Variants in LDB2 observed in about 807,000 individuals in gnomAD.
The protein encoded by LDB2 is LIM domain binding 2, also known as LIM domain-binding protein 2.
A neutral mutation model predicts 44.3 loss-of-function variants in LDB2; 12 were observed. The ratio of observed to expected loss-of-function variants is 0.27; its 90% CI spans 0.17 to 0.44. The LOEUF is 0.44. Among genes scored for constraint, LDB2 ranks in the 20% least tolerant of loss-of-function variants. The pLI, the probability that LDB2 is intolerant of heterozygous loss-of-function variation, is 1.00. For missense variants in LDB2, 344 were observed against 473.5 expected (o/e 0.73, Z 2.54); for synonymous variants, 164 against 174.8 (o/e 0.94, Z 0.49).
At chr4:16,518,738 T>G (rs1013342617) in intron 5 of LDB2, among the ~76,000 whole-genome samples, 1 of 152,252 alleles carries the variant, frequency 6.6e-6, no homozygotes, top group Non-Finnish European at 1.5e-5. Flanking sequence ...AATGACTTGT[T>G]ACGTCTCCAT....
chr4:16,630,216 C>T (rs963022489), intron 2 of LDB2, among the ~76,000 whole-genome samples: 14 of 152,190 alleles, frequency 9.2e-5, no homozygotes, highest in Non-Finnish European at 1.8e-4. Flanking sequence ...TAAAGAGAAG[C>T]CCAACAGACT....
intron 1 of LDB2, among the ~76,000 whole-genome samples, chr4:16,874,473 G>T (rs1469267437): frequency 6.6e-6 from 1 of 152,130 alleles, no homozygotes; most frequent in African/African-American, 2.4e-5. Flanking sequence ...AATATTCAAA[G>T]CAGAAGCATC....
At chr4:16,505,889 C>T in intron 7 of LDB2, 1 of 1,551,454 alleles carries the variant, frequency 6.4e-7, no homozygotes, top group African/African-American at 1.4e-5. Flanking sequence ...CAATGCTTCT[C>T]CTTAAATTGG....
At chr4:16,586,950 C>T (rs1359116390) in intron 4 of LDB2, among the ~76,000 whole-genome samples, 1 of 152,148 alleles carries the variant, frequency 6.6e-6, no homozygotes, top group Non-Finnish European at 1.5e-5. Flanking sequence ...TGCCTTTTCT[C>T]ATAGTGATAC....
intron 1 of LDB2, among the ~76,000 whole-genome samples, chr4:16,762,807 T>C (rs545407342): frequency 4.6e-5 from 7 of 152,062 alleles, no homozygotes; most frequent in East Asian, 3.9e-4. Context: ...AAAAAGTCAA[T>C]AGAAATGCTG....
chr4:16,774,829 C>G (rs1771541622), intron 1 of LDB2, among the ~76,000 whole-genome samples: 2 of 152,184 alleles, frequency 1.3e-5, no homozygotes, highest in South Asian at 2.1e-4. Flanking sequence ...AGGTTACATA[C>G]ATGCATGCAT....
chr4:16,744,167 G>A (rs942139881), intron 2 of LDB2, among the ~76,000 whole-genome samples: 16 of 151,596 alleles, frequency 1.1e-4, no homozygotes, highest in Admixed American at 1.1e-3. Context: ...TTGTTTGTTT[G>A]TTTGTTTTAG....
At chr4:16,895,460 C>G (rs1217137118) in intron 1 of LDB2, among the ~76,000 whole-genome samples, 2 of 152,186 alleles carry the variant, frequency 1.3e-5, no homozygotes, top group Non-Finnish European at 2.9e-5. Context: ...TCATCACATA[C>G]TGATTTGCTA....
chr4:16,742,392 G>T (rs1763487768), intron 2 of LDB2, among the ~76,000 whole-genome samples: 1 of 152,060 alleles, frequency 6.6e-6, no homozygotes, highest in South Asian at 2.1e-4. Context: ...ATACAACATG[G>T]TTTTGAGTTA....
At chr4:16,613,348 G>C (rs1726207973) in intron 2 of LDB2, among the ~76,000 whole-genome samples, 1 of 152,178 alleles carries the variant, frequency 6.6e-6, no homozygotes. Flanking sequence ...CATAGTATTG[G>C]AAGTTCTGGC....
intron 1 of LDB2, among the ~76,000 whole-genome samples, chr4:16,845,202 T>A (rs74812050): frequency 0.022 from 3,330 of 152,210 alleles, 115 homozygotes; most frequent in African/African-American, 0.071. Flanking sequence ...AGGGGAGAAG[T>A]GGAATGCAAG....
At chr4:16,838,435 T>C (rs1195349149) in intron 1 of LDB2, among the ~76,000 whole-genome samples, 1 of 152,300 alleles carries the variant, frequency 6.6e-6, no homozygotes, top group Non-Finnish European at 1.5e-5. Context: ...AAGGCGACTT[T>C]TAAACTTTAT....
At chr4:16,655,597 A>G (rs577574145) in intron 2 of LDB2, among the ~76,000 whole-genome samples, 1 of 152,318 alleles carries the variant, frequency 6.6e-6, no homozygotes, top group South Asian at 2.1e-4. Context: ...TATCAATGAC[A>G]TTTATTGGCA....
intron 2 of LDB2, among the ~76,000 whole-genome samples, chr4:16,642,768 A>T (rs1735568324): frequency 6.6e-6 from 1 of 152,174 alleles, no homozygotes; most frequent in Admixed American, 6.5e-5. Context: ...GAAAGCAGAC[A>T]TTATCTCTGC....
chr4:16,846,493 T>C (rs1787031938), intron 1 of LDB2, among the ~76,000 whole-genome samples: 2 of 152,254 alleles, frequency 1.3e-5, no homozygotes, highest in South Asian at 4.1e-4. Flanking sequence ...ATTCTATCTA[T>C]ATATTTTTTA....
intron 2 of LDB2, among the ~76,000 whole-genome samples, chr4:16,667,685 TAGAC>T (rs1259615050): frequency 1.3e-5 from 2 of 152,226 alleles, no homozygotes; most frequent in African/African-American, 2.4e-5. Flanking sequence ...AGCAACCGCA[TAGAC>T]AGACAGGTTG....
chr4:16,799,500 T>G (rs1777362196), intron 1 of LDB2, among the ~76,000 whole-genome samples: 1 of 152,224 alleles, frequency 6.6e-6, no homozygotes, highest in Non-Finnish European at 1.5e-5. Context: ...AAGGAAAGGA[T>G]TCTCTCCACG....
At chr4:16,594,290 C>T (rs765628993) in intron 3 of LDB2, among the ~76,000 whole-genome samples, 3 of 152,122 alleles carry the variant, frequency 2.0e-5, no homozygotes, top group African/African-American at 4.8e-5. Context: ...GTCTGATCTA[C>T]AAGATTATGT....
chr4:16,553,748 TAA>T (rs926181755), intron 5 of LDB2, among the ~76,000 whole-genome samples: 75 of 152,352 alleles, frequency 4.9e-4, no homozygotes, highest in African/African-American at 1.7e-3. Flanking sequence ...AAACCTTTTA[TAA>T]AGAGTTTTGT....
Sources: gnomAD v4.1 joint callset for allele counts (sites outside exome capture counted in the v4.1 genomes callset) on GRCh38, gnomAD v4.1.1 for gene constraint, MANE v1.5 for transcripts, NCBI Gene and HGNC (gene_info 2026-07-23, HGNC 2026-07-21) for gene names.